Variants in CSMD1 observed in about 807,000 individuals in gnomAD.
CSMD1 encodes CUB and Sushi multiple domains 1, also known as CUB and sushi domain-containing protein 1.
A neutral mutation model predicts 417.5 loss-of-function variants in CSMD1; 213 were observed. The ratio of observed to expected loss-of-function variants is 0.51; its 90% CI spans 0.46 to 0.57. The LOEUF is 0.57. Among genes scored for constraint, CSMD1 ranks in the 20% least tolerant of loss-of-function variants. CSMD1 has a pLI of 0.00. For missense variants in CSMD1, 6,923 were observed against 4,529.7 expected, an observed-to-expected ratio of 1.53 and a Z score of -15.17; for synonymous variants, 2,862 against 1,736.8, an observed-to-expected ratio of 1.65 and a Z score of -16.11.
intron 60 of CSMD1, among the ~76,000 whole-genome samples, chr8:2,962,849 G>C (rs958675311): frequency 3.3e-5 from 5 of 152,194 alleles, no homozygotes. Context: ...AGGAGTTCGA[G>C]ACTAGCCTGG....
intron 43 of CSMD1, among the ~76,000 whole-genome samples, chr8:3,109,835 C>T (rs539299585): frequency 6.6e-6 from 1 of 151,744 alleles, no homozygotes; most frequent in South Asian, 2.1e-4. Context: ...ACACAAGCCA[C>T]ACACACCACA....
At position 4,509,171 on chromosome 8, in the gene CSMD1, C is replaced by G. The variant is rs540754189; in HGVS notation, c.303-89106G>C. Among the ~76,000 whole-genome samples the G allele has an allele frequency of 9.2e-5, 14 of 152,186 alleles. No individual in the cohort carries two copies. The East Asian group carries it at 2.7e-3, about 29-fold the overall frequency. On this transcript the variant is annotated intron_variant, in intron 2 of 69. Coordinates refer to ENST00000635120, the MANE Select transcript of CSMD1 (RefSeq NM_033225.6). ...TTTAGGGAGAATTGAAGTATTAATT[C>G]TTTCTTTTTAACAAAATCATCCAAA...
intron 26 of CSMD1, among the ~76,000 whole-genome samples, chr8:3,283,901 C>T (rs546297567): frequency 1.2e-4 from 18 of 152,386 alleles, no homozygotes; most frequent in African/African-American, 4.3e-4. Context: ...ATGCAAAATG[C>T]ACATCAAATG....
At chr8:4,092,842 C>T (rs959592081) in intron 3 of CSMD1, among the ~76,000 whole-genome samples, 2 of 152,184 alleles carry the variant, frequency 1.3e-5, no homozygotes, top group African/African-American at 4.8e-5. Flanking sequence ...AAGCACTTTG[C>T]TGGTTGAATA....
At chr8:4,707,501 A>T (rs1808015268) in intron 1 of CSMD1, among the ~76,000 whole-genome samples, 1 of 152,198 alleles carries the variant, frequency 6.6e-6, no homozygotes, top group Non-Finnish European at 1.5e-5. Flanking sequence ...AAGGGAAATC[A>T]GCGTAGGAGT....
At chr8:4,641,405 C>A (rs1003614184) in intron 1 of CSMD1, among the ~76,000 whole-genome samples, 1 of 152,034 alleles carries the variant, frequency 6.6e-6, no homozygotes, top group Non-Finnish European at 1.5e-5. Flanking sequence ...GTCCTTAATA[C>A]CACAACCTTC....
chr8:4,101,435 G>T (rs553746110), intron 3 of CSMD1, among the ~76,000 whole-genome samples: 1 of 152,266 alleles, frequency 6.6e-6, no homozygotes, highest in African/African-American at 2.4e-5. Context: ...TGGCTGCACA[G>T]TTACCCTTGT....
At chr8:3,457,721 A>G (rs57592473) in intron 12 of CSMD1, among the ~76,000 whole-genome samples, 5 of 152,208 alleles carry the variant, frequency 3.3e-5, no homozygotes, top group Non-Finnish European at 7.3e-5. Flanking sequence ...TAAAGGAAAC[A>G]GAAATACCAA....
intron 3 of CSMD1, among the ~76,000 whole-genome samples, chr8:4,346,421 A>AC (rs1344160271): frequency 1.3e-5 from 2 of 152,112 alleles, no homozygotes; most frequent in Non-Finnish European, 2.9e-5. Flanking sequence ...AGGGAGTATG[A>AC]CCCACACAGT....
At chr8:3,532,575 A>T (rs2117516377) in intron 10 of CSMD1, among the ~76,000 whole-genome samples, 1 of 152,264 alleles carries the variant, frequency 6.6e-6, no homozygotes, top group African/African-American at 2.4e-5. Context: ...ACAGGATTTG[A>T]TGAGTGATTG....
intron 10 of CSMD1, among the ~76,000 whole-genome samples, chr8:3,574,235 C>G (rs1203381468): frequency 1.3e-5 from 2 of 152,010 alleles, no homozygotes; most frequent in Non-Finnish European, 2.9e-5. Flanking sequence ...ATTCAAAAGA[C>G]AGAATTGTTT....
At chr8:3,657,119 T>C (rs1798149846) in intron 7 of CSMD1, among the ~76,000 whole-genome samples, 1 of 152,110 alleles carries the variant, frequency 6.6e-6, no homozygotes, top group South Asian at 2.1e-4. Flanking sequence ...CATTGGAGAA[T>C]ATGGCATCAT....
chr8:3,094,745 A>T (rs1428387787), intron 47 of CSMD1, among the ~76,000 whole-genome samples: 1 of 151,232 alleles, frequency 6.6e-6, no homozygotes, highest in East Asian at 1.9e-4. Flanking sequence ...GTATAAAATC[A>T]ATATATTCAA....
At chr8:3,289,171 G>A (rs1271883377) in intron 25 of CSMD1, among the ~76,000 whole-genome samples, 1 of 147,292 alleles carries the variant, frequency 6.8e-6, no homozygotes, top group Non-Finnish European at 1.5e-5. Context: ...ATTTTTTATG[G>A]CTGCATAGTA....
intron 3 of CSMD1, among the ~76,000 whole-genome samples, chr8:4,377,432 A>G (rs1011953582): frequency 1.3e-5 from 2 of 152,138 alleles, no homozygotes; most frequent in Non-Finnish European, 2.9e-5. Flanking sequence ...ATGCGAAGTG[A>G]GAGGTTAAAT....
chr8:3,269,364 G>A (rs1446236125), intron 26 of CSMD1, among the ~76,000 whole-genome samples: 5 of 152,212 alleles, frequency 3.3e-5, no homozygotes, highest in African/African-American at 1.2e-4. Context: ...CCCTTCATAG[G>A]CAGAGAAACT....
At chr8:4,449,700 G>C (rs972541347) in intron 2 of CSMD1, among the ~76,000 whole-genome samples, 5 of 152,106 alleles carry the variant, frequency 3.3e-5, no homozygotes, top group East Asian at 1.9e-4. Context: ...GGGAGAGAGA[G>C]GGAGTATGGG....
At chr8:3,437,424 A>C (rs1814636544) in intron 12 of CSMD1, among the ~76,000 whole-genome samples, 1 of 152,182 alleles carries the variant, frequency 6.6e-6, no homozygotes, top group South Asian at 2.1e-4. Context: ...TAAAGGCTGA[A>C]TTAAATGGGC....
At chr8:4,135,372 AAGT>A (rs1803363284) in intron 3 of CSMD1, among the ~76,000 whole-genome samples, 2 of 41,884 alleles carry the variant, frequency 4.8e-5, no homozygotes, top group Admixed American at 2.7e-4. Flanking sequence ...AGGAAGGGGA[AAGT>A]GGGAAAGAGG....
Sources: allele counts gnomAD v4.1 joint callset (sites outside exome capture counted in the v4.1 genomes callset), GRCh38; gene constraint gnomAD v4.1.1; transcripts MANE v1.5; gene names NCBI Gene and HGNC (gene_info 2026-07-23, HGNC 2026-07-21).